Variants in THRB observed in about 807,000 individuals in gnomAD.
The protein encoded by THRB is nuclear receptor subfamily 1 group A member 2.
A neutral mutation model predicts 47.8 loss-of-function variants in THRB; 12 were observed. That is an observed-to-expected ratio of 0.25 (90% CI 0.16 to 0.41). The LOEUF (loss-of-function observed/expected upper bound fraction) is 0.41, where lower values mean the gene tolerates loss of function less well. THRB is among the 10% of genes least tolerant of loss of function. THRB has a pLI of 1.00. For missense variants in THRB, 348 were observed against 589.2 expected (o/e 0.59, Z 4.24); for synonymous variants, 218 against 212.2 (o/e 1.03, Z -0.24).
rs1172215267 is a variant in THRB at position 24,118,089 on chromosome 3, T to C, written c.*4795A>G. ...ATTTGCTTATTCTAGTAGATGTTTA[T>C]TTATGAAATAAATGTCCTTACATCC... On this transcript the variant is annotated 3_prime_UTR_variant, in exon 11 of 11. Transcript: ENST00000646209. 6.6e-6 allele frequency: 1 copy of C among 152,548 alleles called. No individual in the cohort carries two copies. The highest frequency in any genetic ancestry group is 1.9e-4 in the East Asian group (1 of 5,206). The allele number at this position is 152,548 out of a possible 1,614,324, so 9.4% of individuals were successfully genotyped here.
chr3:24,402,181 T>C (rs2067459384), intron 1 of THRB, among the ~76,000 whole-genome samples: 1 of 152,080 alleles, frequency 6.6e-6, no homozygotes, highest in African/African-American at 2.4e-5. Flanking sequence ...GAGGCACCAG[T>C]AGAACTTTTC....
intron 3 of THRB, among the ~76,000 whole-genome samples, chr3:24,239,952 A>C (rs1247421008): frequency 6.6e-6 from 1 of 152,170 alleles, no homozygotes; most frequent in East Asian, 1.9e-4. Flanking sequence ...ATGAGGTCCA[A>C]ACAGCTTGAC....
At chr3:24,198,347 T>C (rs1559573808) in intron 4 of THRB, among the ~76,000 whole-genome samples, 1 of 151,770 alleles carries the variant, frequency 6.6e-6, no homozygotes, top group Non-Finnish European at 1.5e-5. Context: ...ACAGTGTTGG[T>C]GTGAAAGTAC....
At chr3:24,420,378 G>A (rs180932279) in intron 1 of THRB, among the ~76,000 whole-genome samples, 50 of 152,002 alleles carry the variant, frequency 3.3e-4, no homozygotes, top group Non-Finnish European at 6.2e-4. Context: ...TGGAATGAAT[G>A]CTCTCTAATC....
intron 2 of THRB, among the ~76,000 whole-genome samples, chr3:24,324,571 A>G (rs910682488): frequency 1.3e-5 from 2 of 152,212 alleles, no homozygotes; most frequent in Non-Finnish European, 2.9e-5. Context: ...TAATATACAT[A>G]CAGAAAACTG....
At chr3:24,478,575 G>T (rs1227763609) in intron 1 of THRB, among the ~76,000 whole-genome samples, 1 of 148,546 alleles carries the variant, frequency 6.7e-6, no homozygotes, top group African/African-American at 2.5e-5. Context: ...GGAAGGAAAA[G>T]AAAAAAGAGA....
chr3:24,241,462 T>C (rs745619811), intron 3 of THRB, among the ~76,000 whole-genome samples: 6 of 152,188 alleles, frequency 3.9e-5, no homozygotes, highest in Non-Finnish European at 8.8e-5. Flanking sequence ...CACATGTGTA[T>C]GTCTTACTGT....
chr3:24,135,734 C>G (rs1027054993), intron 8 of THRB, among the ~76,000 whole-genome samples: 3 of 151,054 alleles, frequency 2.0e-5, no homozygotes, highest in Admixed American at 6.6e-5. Context: ...TGAGGCTCAT[C>G]TCACTGACCT....
chr3:24,221,318 T>C (rs950832286), intron 4 of THRB, among the ~76,000 whole-genome samples: 1 of 151,802 alleles, frequency 6.6e-6, no homozygotes, highest in African/African-American at 2.4e-5. Flanking sequence ...CTGTGGACTT[T>C]AGTGGCATTT....
Position 24,387,680 on chromosome 3 carries a change from A to C in THRB, c.-260-50309T>G, listed in dbSNP as rs948294045. ...GTTGCAAAAATGAGTGCATCATTAC[A>C]TTCCATTACAACTCTGTCTGCTTAG... On this transcript the variant is annotated intron_variant, in intron 1 of 10. Coordinates refer to ENST00000646209, the MANE Select transcript of THRB (RefSeq NM_001354712.2). Among the ~76,000 whole-genome samples the C allele has an allele frequency of 2.6e-5, 4 of 152,146 alleles. 1 individual carries two copies. Among genetic ancestry groups the C allele is most frequent in the Admixed American group, 2.6e-4 (4 of 15,260 alleles).
chr3:24,470,260 T>C (rs1414443534), intron 1 of THRB, among the ~76,000 whole-genome samples: 4 of 152,206 alleles, frequency 2.6e-5, no homozygotes, highest in Non-Finnish European at 5.9e-5. Flanking sequence ...TGTCACTATT[T>C]TGAAGATGAA....
chr3:24,286,972 A>G (rs2055371837), intron 3 of THRB, among the ~76,000 whole-genome samples: 1 of 152,140 alleles, frequency 6.6e-6, no homozygotes, highest in African/African-American at 2.4e-5. Flanking sequence ...TTGAAGATCA[A>G]GTTAGACAGA....
intron 1 of THRB, among the ~76,000 whole-genome samples, chr3:24,456,832 T>C (rs1470678337): frequency 2.0e-5 from 3 of 152,056 alleles, no homozygotes; most frequent in Non-Finnish European, 2.9e-5. Context: ...GTACCATTAG[T>C]TAGCATCTAA....
intron 5 of THRB, among the ~76,000 whole-genome samples, chr3:24,156,669 T>C (rs2037889847): frequency 6.6e-6 from 1 of 152,208 alleles, no homozygotes; most frequent in African/African-American, 2.4e-5. Flanking sequence ...AGCTATCAAC[T>C]CAGAGCCAGT....
chr3:24,146,880 T>C (rs1183099221), intron 6 of THRB, 58 bp from the exon 7 acceptor site: 2 of 1,553,652 alleles, frequency 1.3e-6, no homozygotes, highest in East Asian at 4.5e-5. Context: ...AATCAGTGAT[T>C]CTGGAATTTT....
chr3:24,199,335 G>C (rs764471327), intron 4 of THRB, among the ~76,000 whole-genome samples: 5 of 152,138 alleles, frequency 3.3e-5, no homozygotes, highest in African/African-American at 1.2e-4. Flanking sequence ...GTTCAAGTAC[G>C]CTGCCTTTCA....
chr3:24,288,050 AT>A (rs1394425198), intron 3 of THRB, among the ~76,000 whole-genome samples: 1 of 152,234 alleles, frequency 6.6e-6, no homozygotes, highest in Non-Finnish European at 1.5e-5. Context: ...TTAACACATC[AT>A]GATACCAGTA....
intron 2 of THRB, among the ~76,000 whole-genome samples, chr3:24,316,749 C>G (rs375062782): frequency 4.1e-4 from 63 of 152,208 alleles, no homozygotes; most frequent in African/African-American, 1.4e-3. Flanking sequence ...CGCTCCCAGC[C>G]CCAAGTACCA....
intron 1 of THRB, among the ~76,000 whole-genome samples, chr3:24,436,375 G>C (rs532198427): frequency 8.5e-5 from 13 of 152,164 alleles, no homozygotes; most frequent in African/African-American, 2.7e-4. Context: ...GTTTACAAAC[G>C]CACAGCAGTA....
Sources: allele counts gnomAD v4.1 joint callset (sites outside exome capture counted in the v4.1 genomes callset), GRCh38; gene constraint gnomAD v4.1.1; transcripts MANE v1.5; gene names NCBI Gene and HGNC (gene_info 2026-07-23, HGNC 2026-07-21).